DLG2: variants seen among roughly 807,000 people sequenced by gnomAD.
DLG2 encodes the protein disks large homolog 2.
In DLG2, 45 loss-of-function variants were observed where a neutral mutation model predicts 132.5. The ratio of observed to expected loss-of-function variants is 0.34; its 90% confidence interval spans 0.27 to 0.44. The LOEUF (loss-of-function observed/expected upper bound fraction) is 0.44. Among genes scored for constraint, DLG2 ranks in the 20% least tolerant of loss-of-function variants. The pLI is 1.00. For synonymous variants in DLG2, 424 were observed against 419.6 expected, an observed-to-expected ratio of 1.01 and a Z score of -0.13; for missense variants, 1,045 against 1,196.9, an observed-to-expected ratio of 0.87 and a Z score of 1.87.
chr11:85,261,933 A>C (rs2076963987), intron 4 of DLG2, among the ~76,000 whole-genome samples: 1 of 152,120 alleles, frequency 6.6e-6, no homozygotes, highest in Non-Finnish European at 1.5e-5. Context: ...TCAGGGGAAG[A>C]AAGTATGGCC....
At chr11:83,761,111 G>A (rs1207203831) in intron 18 of DLG2, among the ~76,000 whole-genome samples, 1 of 152,124 alleles carries the variant, frequency 6.6e-6, no homozygotes, top group Admixed American at 6.5e-5. Context: ...GAGCACATAT[G>A]GCTTCTGGTT....
chr11:84,805,502 T>C (rs1016927104), intron 6 of DLG2, among the ~76,000 whole-genome samples: 5 of 152,068 alleles, frequency 3.3e-5, no homozygotes, highest in African/African-American at 7.2e-5. Context: ...GGGAGGTGAG[T>C]GGATCATGGG....
At chr11:83,481,302 G>A (rs80346371) in intron 22 of DLG2, among the ~76,000 whole-genome samples, 2,839 of 151,804 alleles carry the variant, frequency 0.019, 87 homozygotes, top group African/African-American at 0.063. Flanking sequence ...AATCATTTTC[G>A]CTCATCCATA....
chr11:83,486,600 ATGT>A (rs1305303095), intron 21 of DLG2, among the ~76,000 whole-genome samples: 3 of 152,132 alleles, frequency 2.0e-5, no homozygotes, highest in Non-Finnish European at 4.4e-5. Context: ...AAGTATGAAA[ATGT>A]TGTGTATCAT....
chr11:84,909,493 C>G (rs753995617), intron 6 of DLG2, among the ~76,000 whole-genome samples: 11 of 152,136 alleles, frequency 7.2e-5, no homozygotes, highest in Admixed American at 1.3e-4. Flanking sequence ...CCTCACCTGA[C>G]AGGTTTTAAT....
chr11:85,476,880 T>C (rs963356095), intron 3 of DLG2, among the ~76,000 whole-genome samples: 1 of 152,116 alleles, frequency 6.6e-6, no homozygotes, highest in Non-Finnish European at 1.5e-5. Flanking sequence ...GAGTACACTC[T>C]AAAATAATAA....
intron 6 of DLG2, among the ~76,000 whole-genome samples, chr11:85,048,979 C>T (rs939989135): frequency 1.2e-4 from 18 of 152,012 alleles, no homozygotes; most frequent in African/African-American, 1.7e-4. Context: ...CTTTGATTAG[C>T]ATTAAAATTC....
chr11:83,998,174 G>A (rs1198271423), intron 11 of DLG2, among the ~76,000 whole-genome samples: 1 of 152,120 alleles, frequency 6.6e-6, no homozygotes, highest in African/African-American at 2.4e-5. Context: ...TACAATTAAA[G>A]TGGAGGAGGA....
chr11:85,383,727 A>G (rs142045281), intron 3 of DLG2, among the ~76,000 whole-genome samples: 1,748 of 152,294 alleles, frequency 0.011, 19 homozygotes, highest in Middle Eastern at 0.02. Flanking sequence ...GAATACTTCA[A>G]TGCTAGAAAT....
intron 4 of DLG2, among the ~76,000 whole-genome samples, chr11:85,191,162 G>GCACGCACACA (rs1555395220): frequency 7.2e-6 from 1 of 139,842 alleles, no homozygotes; most frequent in African/African-American, 2.8e-5. Context: ...GCGCACGCGC[G>GCACGCACACA]CACACACACA....
intron 7 of DLG2, among the ~76,000 whole-genome samples, chr11:84,362,046 T>G (rs879308531): frequency 3.9e-5 from 6 of 151,926 alleles, no homozygotes; most frequent in Non-Finnish European, 8.8e-5. Flanking sequence ...TTTTAGCATA[T>G]TAATAATTAT....
rs376911847 is a variant in DLG2, at chr11:83,511,362, C to T, written c.2193+21346G>A. On this transcript the variant is annotated intron_variant, in intron 21 of 27. Transcript: ENST00000376104. Reference sequence around the variant, plus strand: ...GTAAATGCACTTGCAGTGCTTAGTACGGTGCCTGGAAAATTGTGTCTAATA... The same window carrying T: ...GTAAATGCACTTGCAGTGCTTAGTATGGTGCCTGGAAAATTGTGTCTAATA... 3.3e-5 allele frequency among the ~76,000 whole-genome samples: 5 copies of T among 152,228 alleles called. No individual in the cohort carries two copies. In the South Asian group the frequency reaches 6.2e-4, roughly 19 times the overall value.
rs576645560 is a variant in DLG2 at position 83,711,801 on chromosome 11, T to C, written c.1825+74889A>G. ...GCTCCATGGGCCAAAGCAGGAGTAC[T>C]AGGTCACCTGAGAGCTTGCTATAAT... is the stretch of plus-strand genomic sequence containing the variant. On this transcript the variant is annotated intron_variant, in intron 18 of 27. Coordinates refer to ENST00000376104, the MANE Select transcript of DLG2 (RefSeq NM_001142699.3). 3.3e-5 allele frequency among the ~76,000 whole-genome samples: 5 copies of C among 151,998 alleles called. No homozygotes were observed. The South Asian group carries it at 1.0e-3, about 32-fold the overall frequency.
At chr11:83,656,045 C>T (rs1360652158) in intron 18 of DLG2, among the ~76,000 whole-genome samples, 2 of 152,234 alleles carry the variant, frequency 1.3e-5, no homozygotes, top group African/African-American at 2.4e-5. Flanking sequence ...GCACCCCACT[C>T]ATCTGGCCAT....
At chr11:83,991,937 G>T (rs180706753) in intron 11 of DLG2, among the ~76,000 whole-genome samples, 1 of 152,180 alleles carries the variant, frequency 6.6e-6, no homozygotes, top group East Asian at 1.9e-4. Context: ...TCCATTGATT[G>T]GTGCCCTTAT....
chr11:85,405,323 T>C (rs2088619121), intron 3 of DLG2, among the ~76,000 whole-genome samples: 1 of 152,008 alleles, frequency 6.6e-6, no homozygotes, highest in Admixed American at 6.6e-5. Context: ...AACAAAAATG[T>C]ACAACATGGC....
intron 21 of DLG2, among the ~76,000 whole-genome samples, chr11:83,500,037 C>T (rs923916093): frequency 6.2e-4 from 94 of 151,182 alleles, no homozygotes; most frequent in African/African-American, 2.1e-3. Flanking sequence ...ATATTTAGCT[C>T]ACATGTCCCC....
chr11:84,859,410 A>ATATACATATATATGTATATATG (rs1566174818), intron 6 of DLG2, among the ~76,000 whole-genome samples: 1 of 145,254 alleles, frequency 6.9e-6, no homozygotes, highest in African/African-American at 2.5e-5. Flanking sequence ...ATATATACAT[A>ATATACATATATATGTATATATG]TATATGTATA....
chr11:84,239,559 A>T (rs1239953828), intron 8 of DLG2, among the ~76,000 whole-genome samples: 1 of 152,164 alleles, frequency 6.6e-6, no homozygotes, highest in Non-Finnish European at 1.5e-5. Flanking sequence ...ATAGAGAGGA[A>T]TATGGTAAAT....
Sources: gnomAD v4.1 joint callset for allele counts (sites outside exome capture counted in the v4.1 genomes callset) on GRCh38, gnomAD v4.1.1 for gene constraint, MANE v1.5 for transcripts, NCBI Gene and HGNC (gene_info 2026-07-23, HGNC 2026-07-21) for gene names.